EYS: variants seen among roughly 807,000 people sequenced by gnomAD.
The protein encoded by EYS is EGF-like photoreceptor maintenance factor, also known as protein eyes shut homolog.
In EYS, 250 loss-of-function variants were observed where a neutral mutation model predicts 282.1. The observed-to-expected ratio is 0.89, with a 90% CI of 0.80 to 0.98. EYS has a LOEUF of 0.98. EYS is among the 50% of genes least tolerant of loss of function. The probability of loss-of-function intolerance (pLI) is 0.00; values close to 1 mark genes in which losing one functional copy is unlikely to be tolerated. For missense variants in EYS, 4,016 were observed against 3,709.0 expected (o/e 1.08, Z -2.15); for synonymous variants, 1,355 against 1,282.9 (o/e 1.06, Z -1.20).
At chr6:65,060,505 T>C (rs969818681) in intron 12 of EYS, among the ~76,000 whole-genome samples, 2 of 151,954 alleles carry the variant, frequency 1.3e-5, no homozygotes, top group Non-Finnish European at 2.9e-5. Flanking sequence ...TCATGGTCTG[T>C]ACCTAGCCTT....
chr6:63,840,757 G>A (rs1011610065), intron 36 of EYS, among the ~76,000 whole-genome samples: 1 of 152,000 alleles, frequency 6.6e-6, no homozygotes, highest in African/African-American at 2.4e-5. Context: ...TCTACATAGG[G>A]ATATCCAGTT....
At chr6:64,659,598 C>T (rs1314408717) in intron 22 of EYS, among the ~76,000 whole-genome samples, 1 of 152,082 alleles carries the variant, frequency 6.6e-6, no homozygotes, top group Admixed American at 6.5e-5. Flanking sequence ...TCAGAGAATA[C>T]TATAAACACC....
intron 31 of EYS, among the ~76,000 whole-genome samples, chr6:64,143,436 A>C (rs1199094723): frequency 1.3e-5 from 2 of 151,998 alleles, no homozygotes; most frequent in Non-Finnish European, 2.9e-5. Flanking sequence ...ATATGGAGGA[A>C]TAAGAAGTAC....
chr6:65,651,479 T>C (rs1042913835), intron 1 of EYS, among the ~76,000 whole-genome samples: 4 of 152,052 alleles, frequency 2.6e-5, no homozygotes, highest in Non-Finnish European at 5.9e-5. Context: ...TCTATAACTT[T>C]CTTTGAGTCC....
At chr6:64,824,359 C>T (rs1317792470) in intron 19 of EYS, among the ~76,000 whole-genome samples, 1 of 151,980 alleles carries the variant, frequency 6.6e-6, no homozygotes, top group Non-Finnish European at 1.5e-5. Context: ...AAGCTTCTCA[C>T]TTGTAAATGA....
chr6:64,020,614 T>C (rs985412240), intron 33 of EYS, among the ~76,000 whole-genome samples: 10 of 152,288 alleles, frequency 6.6e-5, no homozygotes, highest in Admixed American at 1.3e-4. Context: ...ATGTGATATT[T>C]TAGACTCTAA....
intron 13 of EYS, among the ~76,000 whole-genome samples, chr6:65,000,253 A>C (rs1351099359): frequency 6.6e-6 from 1 of 151,658 alleles, no homozygotes; most frequent in African/African-American, 2.4e-5. Context: ...GCAAGGGGGA[A>C]AAAGGACCTT....
chr6:64,610,132 A>C (rs1202393729), intron 24 of EYS, among the ~76,000 whole-genome samples: 1 of 152,046 alleles, frequency 6.6e-6, no homozygotes, highest in Non-Finnish European at 1.5e-5. Flanking sequence ...ATTCATCCAC[A>C]TGTTCATGCT....
intron 13 of EYS, among the ~76,000 whole-genome samples, chr6:65,013,572 C>T (rs1233242046): frequency 6.6e-6 from 1 of 152,132 alleles, no homozygotes; most frequent in Non-Finnish European, 1.5e-5. Context: ...CCATGTAATT[C>T]CCTCACTTTA....
At chr6:64,989,382 C>T (rs1026314395) in intron 14 of EYS, among the ~76,000 whole-genome samples, 1 of 56,400 alleles carries the variant, frequency 1.8e-5, no homozygotes, top group Non-Finnish European at 3.1e-5. Flanking sequence ...AGGCTATTTA[C>T]TGGCTAGCTG....
intron 40 of EYS, among the ~76,000 whole-genome samples, chr6:63,772,933 A>T (rs755815449): frequency 5.9e-5 from 9 of 151,826 alleles, no homozygotes; most frequent in Non-Finnish European, 1.3e-4. Context: ...ATGTATTTAT[A>T]TCTGTTTATC....
At chr6:65,119,620 G>A (rs963080021) in intron 12 of EYS, among the ~76,000 whole-genome samples, 2 of 125,244 alleles carry the variant, frequency 1.6e-5, no homozygotes, top group African/African-American at 6.6e-5. Context: ...AAATTTCTTA[G>A]CCTTTTTATC....
intron 22 of EYS, among the ~76,000 whole-genome samples, chr6:64,707,345 A>T (rs1262337398): frequency 2.6e-5 from 4 of 152,056 alleles, no homozygotes; most frequent in African/African-American, 9.7e-5. Context: ...AACTTGGGGG[A>T]AAGGGAGGCA....
intron 31 of EYS, among the ~76,000 whole-genome samples, chr6:64,097,314 C>G (rs550849273): frequency 1.8e-4 from 28 of 152,194 alleles, no homozygotes; most frequent in Non-Finnish European, 3.5e-4. Flanking sequence ...GCAGAGGTTT[C>G]TGCTGCCTTT....
In EYS at chr6:64,683,976, C is replaced by CTCCT. The variant is rs569065179; in HGVS notation, c.3444-57735_3444-57732dup. 2.6e-5 allele frequency among the ~76,000 whole-genome samples: 4 copies of CTCCT among 152,346 alleles called. No individual in the cohort carries two copies. The South Asian group carries it at 8.3e-4, about 32-fold the overall frequency. ...GCCCTAGTCTGTAAACGAAGGCAGG[C>CTCCT]TCCTGCACTAGCTGGTGTCCGCCTC... is the stretch of plus-strand genomic sequence containing the variant. On this transcript the variant is annotated intron_variant, in intron 22 of 42. Transcript: ENST00000503581.
At chr6:64,484,144 G>C (rs1435279539) in intron 26 of EYS, among the ~76,000 whole-genome samples, 1 of 151,556 alleles carries the variant, frequency 6.6e-6, no homozygotes, top group African/African-American at 2.4e-5. Flanking sequence ...TGGTGTTCCT[G>C]TTTATAGATA....
intron 16 of EYS, among the ~76,000 whole-genome samples, chr6:64,904,724 C>T (rs1028846076): frequency 1.4e-4 from 21 of 152,036 alleles, no homozygotes; most frequent in Non-Finnish European, 2.1e-4. Flanking sequence ...TATAAAGAAG[C>T]ACCAGTGAGC....
intron 15 of EYS, among the ~76,000 whole-genome samples, chr6:64,938,462 C>T (rs1768983602): frequency 6.6e-6 from 1 of 151,524 alleles, no homozygotes; most frequent in Admixed American, 6.6e-5. Context: ...TTAAACTTCA[C>T]CATAGTTATA....
At chr6:65,312,955 T>C (rs547920566) in intron 11 of EYS, among the ~76,000 whole-genome samples, 1 of 152,184 alleles carries the variant, frequency 6.6e-6, no homozygotes, top group African/African-American at 2.4e-5. Context: ...TCCCCTAATT[T>C]AACAGCTGCT....
Sources: gnomAD v4.1 joint callset for allele counts (sites outside exome capture counted in the v4.1 genomes callset) on GRCh38, gnomAD v4.1.1 for gene constraint, MANE v1.5 for transcripts, NCBI Gene and HGNC (gene_info 2026-07-23, HGNC 2026-07-21) for gene names.